LINGO2: variants seen among roughly 807,000 people sequenced by gnomAD.
LINGO2 encodes the protein leucine-rich repeat and immunoglobulin-like domain-containing nogo receptor-interacting protein 2.
A neutral mutation model predicts 30.6 loss-of-function variants in LINGO2; 14 were observed. The observed-to-expected ratio is 0.46, with a 90% confidence interval of 0.30 to 0.72. LINGO2 has a LOEUF of 0.72. Ranked by LOEUF, LINGO2 falls within the 30% of genes least tolerant of loss-of-function variation. The pLI, the probability that LINGO2 is intolerant of heterozygous loss-of-function variation, is 0.07. For missense variants in LINGO2, 729 were observed against 751.7 expected, an observed-to-expected ratio of 0.97 and a Z score of 0.35; for synonymous variants, 317 against 288.5, an observed-to-expected ratio of 1.10 and a Z score of -1.00.
chr9:29,055,951 T>TATATAC, the LINGO2 span, among the ~76,000 whole-genome samples: 35 of 150,098 alleles, frequency 2.3e-4, no homozygotes, highest in Middle Eastern at 3.4e-3. Context: ...TATATATACA[T>TATATAC]ATATATGTAC....
intron 4 of LINGO2, among the ~76,000 whole-genome samples, chr9:28,047,374 AAAC>A (rs1275286750): frequency 1.4e-5 from 2 of 140,968 alleles, no homozygotes; most frequent in African/African-American, 5.5e-5. Flanking sequence ...AAGATCTACT[AAAC>A]AACTGAGTTT....
chr9:29,166,175 T>C, the LINGO2 span, among the ~76,000 whole-genome samples: 1,027 of 152,224 alleles, frequency 6.7e-3, 15 homozygotes, highest in African/African-American at 0.024. Context: ...TAAATGATTC[T>C]CTTATGTGGT....
the LINGO2 span, among the ~76,000 whole-genome samples, chr9:28,807,038 A>C: frequency 6.6e-6 from 1 of 151,262 alleles, no homozygotes; most frequent in Admixed American, 6.6e-5. Context: ...TATTATTATT[A>C]TTTTGAGACA....
At chr9:28,040,077 C>T (rs1236922327) in intron 4 of LINGO2, among the ~76,000 whole-genome samples, 1 of 152,222 alleles carries the variant, frequency 6.6e-6, no homozygotes, top group African/African-American at 2.4e-5. Context: ...AAACCATTTT[C>T]CTTCTTTCAC....
chr9:28,474,317 G>T (rs1825642672), intron 2 of LINGO2, among the ~76,000 whole-genome samples: 1 of 152,048 alleles, frequency 6.6e-6, no homozygotes, highest in South Asian at 2.1e-4. Context: ...ATTGTACACA[G>T]GTCGGTAAAC....
intron 1 of LINGO2, among the ~76,000 whole-genome samples, chr9:28,587,286 G>A (rs1824601144): frequency 6.6e-6 from 1 of 151,978 alleles, no homozygotes; most frequent in African/African-American, 2.4e-5. Flanking sequence ...AATACTGCAG[G>A]TACCATTCCT....
chr9:28,609,281 G>A (rs762125963), intron 1 of LINGO2, among the ~76,000 whole-genome samples: 9 of 150,358 alleles, frequency 6.0e-5, no homozygotes, highest in East Asian at 2.0e-4. Context: ...ATAAAATATC[G>A]AAACAGTTCA....
chr9:28,612,576 G>C (rs1191152635), intron 1 of LINGO2, among the ~76,000 whole-genome samples: 1 of 152,096 alleles, frequency 6.6e-6, no homozygotes. Flanking sequence ...TCTTGCATGG[G>C]GCTTGTAGAC....
intron 1 of LINGO2, among the ~76,000 whole-genome samples, chr9:28,657,138 T>A (rs1213259201): frequency 6.6e-6 from 1 of 152,002 alleles, no homozygotes; most frequent in Non-Finnish European, 1.5e-5. Flanking sequence ...GTGAGATAAG[T>A]GTTTTGTTTT....
the LINGO2 span, among the ~76,000 whole-genome samples, chr9:28,890,055 G>A: frequency 1.3e-5 from 2 of 152,112 alleles, no homozygotes; most frequent in East Asian, 1.9e-4. Flanking sequence ...ACTCATGCTT[G>A]GTACAGAATA....
chr9:27,983,302 G>A (rs1002696860), intron 5 of LINGO2, among the ~76,000 whole-genome samples: 3 of 151,844 alleles, frequency 2.0e-5, no homozygotes, highest in African/African-American at 7.2e-5. Flanking sequence ...GTACACTGGT[G>A]TTCCGTATCA....
intron 4 of LINGO2, among the ~76,000 whole-genome samples, chr9:28,189,299 GGAAGGGAGGA>G (rs1564028729): frequency 0.047 from 3,001 of 63,346 alleles, 468 homozygotes; most frequent in Non-Finnish European, 0.076. Flanking sequence ...GAGGAAGGAA[GGAAGGGAGGA>G]AGGAAGGAAG....
rs563062078 is a variant in LINGO2, at chr9:28,573,042, A to G, written c.-364-97017T>C. 2.6e-5 allele frequency among the ~76,000 whole-genome samples: 4 copies of G among 152,254 alleles called. No homozygotes were observed. In the East Asian group the frequency reaches 7.7e-4, roughly 29 times the overall value. ...ATACACAAAGGTGTATTCTGTGGCA[A>G]GTTTTTCAATATCTATTGGCAAAAT... is the stretch of plus-strand genomic sequence containing the variant. On this transcript the variant is annotated intron_variant, in intron 1 of 5. Transcript: ENST00000379992.
At chr9:27,946,033 G>GA (rs763231055), downstream of LINGO2, among the ~76,000 whole-genome samples, 63 of 152,166 alleles carry the variant, frequency 4.1e-4, no homozygotes, top group African/African-American at 1.5e-3. Flanking sequence ...TTAGGTTTAG[G>GA]AATACGTCAC....
At chr9:28,153,397 T>C (rs1157521920) in intron 4 of LINGO2, among the ~76,000 whole-genome samples, 2 of 152,134 alleles carry the variant, frequency 1.3e-5, no homozygotes, top group African/African-American at 4.8e-5. Flanking sequence ...ATAAAAATAA[T>C]TCTAATATAT....
At chr9:28,428,229 G>A (rs1231659641) in intron 2 of LINGO2, among the ~76,000 whole-genome samples, 2 of 152,086 alleles carry the variant, frequency 1.3e-5, no homozygotes, top group Non-Finnish European at 2.9e-5. Flanking sequence ...CATCTGTTTG[G>A]CTTTTATATT....
chr9:28,790,132 C>A, the LINGO2 span, among the ~76,000 whole-genome samples: 1 of 152,028 alleles, frequency 6.6e-6, no homozygotes, highest in Admixed American at 6.6e-5. Context: ...CTTGCACCAT[C>A]CTGCTTCGTC....
chr9:28,082,108 T>A (rs959792315), intron 4 of LINGO2, among the ~76,000 whole-genome samples: 5 of 152,206 alleles, frequency 3.3e-5, no homozygotes, highest in Admixed American at 1.3e-4. Flanking sequence ...TTCGTTGAGG[T>A]CTATCTTCCT....
intron 1 of LINGO2, among the ~76,000 whole-genome samples, chr9:28,543,420 A>C (rs1333022269): frequency 2.0e-5 from 3 of 152,128 alleles, no homozygotes; most frequent in African/African-American, 7.2e-5. Context: ...TGGATTATCA[A>C]GCGCAAGATC....
Sources: allele counts gnomAD v4.1 joint callset (sites outside exome capture counted in the v4.1 genomes callset), GRCh38; gene constraint gnomAD v4.1.1; transcripts MANE v1.5; gene names NCBI Gene and HGNC (gene_info 2026-07-23, HGNC 2026-07-21).